PHF8: variants seen among roughly 807,000 people sequenced by gnomAD.
PHF8 encodes the protein PHD finger protein 8, also known as histone lysine demethylase PHF8.
In PHF8, 9 loss-of-function variants were observed where a neutral mutation model predicts 74.4. The observed-to-expected ratio is 0.12, with a 90% CI of 0.07 to 0.21. The LOEUF (loss-of-function observed/expected upper bound fraction) is 0.21, where lower values mean the gene tolerates loss of function less well. PHF8 is among the 10% of genes least tolerant of loss of function. The probability of loss-of-function intolerance (pLI) is 1.00; values close to 1 mark genes in which losing one functional copy is unlikely to be tolerated. For missense variants in PHF8, 478 were observed against 816.6 expected (o/e 0.59, Z 5.05); for synonymous variants, 311 against 316.6 (o/e 0.98, Z 0.19).
intron 18 of PHF8, among the ~76,000 whole-genome samples, chrX:53,970,026 C>T (rs2065269163): frequency 1.8e-5 from 2 of 112,086 alleles, no homozygotes; most frequent in Admixed American, 9.5e-5. Flanking sequence ...GAAACTACTA[C>T]AAGAAAATAC....
At chrX:53,969,249 C>CAAA (rs1337756223) in intron 18 of PHF8, among the ~76,000 whole-genome samples, 1 of 108,855 alleles carries the variant, frequency 9.2e-6, no homozygotes, top group Non-Finnish European at 1.9e-5. Flanking sequence ...ACAACAACAA[C>CAAA]AAAAAAAACA....
chrX:54,011,352 C>T lies in PHF8; in HGVS notation c.784-68G>A, dbSNP rs1247496483. The T allele has an allele frequency of 5.6e-6, 5 of 887,213 alleles. No individual in the cohort carries two copies. In the African/African-American group the frequency reaches 9.8e-5, roughly 17 times the overall value. The allele number at this position is 887,213 out of a possible 1,213,427, so 73.1% of individuals were successfully genotyped here. Reference sequence around the variant, plus strand: ...TCCAGAAAAGTCCTTAACGGGTACTCCAAAGGGGTATTTCTCCCATGCTCC... The same window carrying T: ...TCCAGAAAAGTCCTTAACGGGTACTTCAAAGGGGTATTTCTCCCATGCTCC... On this transcript the variant is annotated intron_variant, in intron 7 of 21. Transcript: ENST00000338154.
intron 19 of PHF8, among the ~76,000 whole-genome samples, chrX:53,954,035 A>C (rs1427119962): frequency 1.8e-5 from 2 of 112,249 alleles, no homozygotes; most frequent in Non-Finnish European, 3.8e-5. Flanking sequence ...TAAAAAGGTC[A>C]ATCCATCAAC....
At chrX:54,038,289 G>T (rs1051648616) in intron 2 of PHF8, among the ~76,000 whole-genome samples, 4 of 111,970 alleles carry the variant, frequency 3.6e-5, no homozygotes, top group Non-Finnish European at 5.6e-5. Context: ...AATTAAAAAA[G>T]AATAATATAA....
intron 1 of PHF8, 163 bp from the exon 2 acceptor site, chrX:54,042,983 T>TCTGG (rs2066588535): frequency 1.9e-6 from 1 of 517,246 alleles, no homozygotes; most frequent in Non-Finnish European, 2.9e-6. Flanking sequence ...TTAGAATTTC[T>TCTGG]TTCACACGTA....
chrX:54,025,812 C>T (rs1157790488), intron 2 of PHF8, among the ~76,000 whole-genome samples: 1 of 111,285 alleles, frequency 9.0e-6, no homozygotes, highest in African/African-American at 3.3e-5. Context: ...GCCCTCAAAA[C>T]TCTTTATCCT....
At chrX:53,970,621 C>T (rs2065277582) in intron 18 of PHF8, among the ~76,000 whole-genome samples, 1 of 111,306 alleles carries the variant, frequency 9.0e-6, no homozygotes, top group South Asian at 3.8e-4. Flanking sequence ...TGCAGACACA[C>T]ATAAGCTCAA....
rs2066605219 is a variant in PHF8, at chrX:54,043,881, G to A, written c.-212C>T. The A allele has an allele frequency of 2.7e-6, 2 of 752,404 alleles. No individual in the cohort carries two copies. The highest frequency in any genetic ancestry group is 1.7e-4 in the Admixed American group (2 of 11,593). 62.0% of individuals were successfully genotyped at this position (752,404 alleles called of 1,213,427 possible). The stretch of plus-strand genomic sequence containing the variant: ...ATGCTTTGGGCTGCAAGGACTCCAC[G>A]CCCGCGGAGCTCAGCCCCAGCGACA... On this transcript the variant is annotated 5_prime_UTR_variant, in exon 1 of 22. Transcript: ENST00000338154.
chrX:54,016,828 C>T, intron 5 of PHF8, 92 bp from the exon 6 acceptor site: 2 of 670,085 alleles, frequency 3.0e-6, no homozygotes, highest in South Asian at 2.3e-5. Context: ...TGGCCTTACA[C>T]TCAAAGCTTC....
intron 17 of PHF8, 177 bp downstream of exon 17, chrX:53,985,639 A>G (rs2065552027): frequency 2.5e-6 from 2 of 813,217 alleles, no homozygotes; most frequent in South Asian, 2.3e-5. Flanking sequence ...TCAGATCTTA[A>G]GTTCCTTAGG....
At chrX:54,008,479 G>GGGTT (rs1242678920) in intron 8 of PHF8, among the ~76,000 whole-genome samples, 5 of 107,920 alleles carry the variant, frequency 4.6e-5, no homozygotes, top group African/African-American at 1.7e-4. Context: ...ACCTGAGGTT[G>GGGTT]GGAGTTCGAG....
At chrX:53,945,805 A>G (rs1204026878) in intron 19 of PHF8, among the ~76,000 whole-genome samples, 1 of 111,333 alleles carries the variant, frequency 9.0e-6, no homozygotes, top group African/African-American at 3.3e-5. Context: ...GCTGAAATCA[A>G]TCTCCTACAC....
chrX:54,022,169 T>G (rs1186619424), intron 4 of PHF8, 90 bp downstream of exon 4: 3 of 578,335 alleles, frequency 5.2e-6, no homozygotes, highest in Non-Finnish European at 9.3e-6. Context: ...AAGCTCCTAA[T>G]GGGACAGCCA....
chrX:54,046,722 C>T (rs1304859218), upstream of PHF8, among the ~76,000 whole-genome samples: 2 of 110,817 alleles, frequency 1.8e-5, no homozygotes, highest in Admixed American at 9.7e-5. Context: ...ACCATGGGGC[C>T]GGGTGCAGAT....
intron 2 of PHF8, among the ~76,000 whole-genome samples, chrX:54,039,413 A>G (rs1296518938): frequency 4.5e-5 from 5 of 111,688 alleles, no homozygotes; most frequent in Non-Finnish European, 7.5e-5. Context: ...CATAGAGAGA[A>G]GCAAAAGAGA....
chrX:53,987,786 G>A lies in PHF8; in HGVS notation c.1889C>T (p.Ala630Val). 8.3e-7 allele frequency: 1 copy of A among 1,201,248 alleles called. No individual in the cohort carries two copies. The highest frequency in any genetic ancestry group is 1.1e-6 in the Non-Finnish European group (1 of 888,922). ...CACACTTGGTCTTATTATCAGGGTC[G>A]CCTTCTCCTTTCCCAATCTCTCGTC... ...QIDERLGKEK[A>V]TLIIRPKFPR... The change falls in exon 15 of 22, where the codon GCG becomes GTG. Residue 630 changes from alanine (A) to valine (V), a missense_variant. Transcript: ENST00000338154.
At chrX:53,983,946 A>G (rs2065518682) in intron 18 of PHF8, among the ~76,000 whole-genome samples, 2 of 112,752 alleles carry the variant, frequency 1.8e-5, no homozygotes, top group Non-Finnish European at 3.7e-5. Context: ...CATGAAAATG[A>G]TGACAAAGGT....
rs144282765 is a variant in PHF8, at chrX:53,985,152, C to T, written c.2205G>A (p.Ser735=). Reference sequence around the variant, plus strand: ...GCAGGCTAGAGGTAGCCGGTGAGGACGATGAGGACTGCAGGTTGGCCATGC... The same window carrying T: ...GCAGGCTAGAGGTAGCCGGTGAGGATGATGAGGACTGCAGGTTGGCCATGC... ...MLCMANLQSS[S]SSPATSSLQA... The change falls in exon 18 of 22, where the codon TCG becomes TCA. Residue 735 remains serine, a synonymous_variant. Transcript: ENST00000338154. 7.6e-4 allele frequency: 913 copies of T among 1,205,056 alleles called. No individual in the cohort carries two copies. The highest frequency in any genetic ancestry group is 9.2e-4 in the Non-Finnish European group (818 of 892,229).
Position 54,019,703 on chromosome X carries a change from G to A in PHF8, c.294-1882C>T, listed in dbSNP as rs1424764155. 2.9e-5 allele frequency among the ~76,000 whole-genome samples: 3 copies of A among 103,043 alleles called. No individual in the cohort carries two copies. The Admixed American group carries it at 3.2e-4, about 11-fold the overall frequency. The allele number at this position is 103,043 out of a possible 115,157, so 89.5% of individuals were successfully genotyped here. A position where few individuals can be genotyped will look rare whatever the true frequency, so the allele number is the denominator to read the frequency against. ...CTACTTGGGAGGCTGAGGCAGAATTGCTTGAACCCAGGAGGCGGAGGGTGC... is the reference window on the plus strand; with the variant it reads ...CTACTTGGGAGGCTGAGGCAGAATTACTTGAACCCAGGAGGCGGAGGGTGC... On this transcript the variant is annotated intron_variant, in intron 4 of 21. Coordinates refer to ENST00000338154, the MANE Select transcript of PHF8 (RefSeq NM_015107.3).
Sources: allele counts gnomAD v4.1 joint callset (sites outside exome capture counted in the v4.1 genomes callset), GRCh38; gene constraint gnomAD v4.1.1; transcripts MANE v1.5; gene names NCBI Gene and HGNC (gene_info 2026-07-23, HGNC 2026-07-21).